EPHB1: variants seen among roughly 807,000 people sequenced by gnomAD.
The protein encoded by EPHB1 is ephrin type-B receptor 1.
EPHB1 carries 30 observed loss-of-function variants against 94.4 expected under a neutral mutation model. The ratio of observed to expected loss-of-function variants is 0.32; its 90% CI spans 0.24 to 0.43. EPHB1 has a LOEUF of 0.43. EPHB1 is among the 20% of genes least tolerant of loss of function. The pLI is 1.00. For synonymous variants in EPHB1, 522 were observed against 489.1 expected, an observed-to-expected ratio of 1.07 and a Z score of -0.89; for missense variants, 1,055 against 1,308.3, an observed-to-expected ratio of 0.81 and a Z score of 2.99.
chr3:135,052,890 A>AATAT (rs1553726756), intron 3 of EPHB1, among the ~76,000 whole-genome samples: 3,511 of 54,260 alleles, frequency 0.065, 246 homozygotes, highest in African/African-American at 0.13. Context: ...AAAAAAAAAA[A>AATAT]ATATATATAT....
chr3:134,893,219 A>G (rs1435219051), intron 1 of EPHB1, among the ~76,000 whole-genome samples: 1 of 152,198 alleles, frequency 6.6e-6, no homozygotes, highest in African/African-American at 2.4e-5. Context: ...ATGTAAGCCT[A>G]TAAAACCTTT....
At chr3:135,236,558 A>G (rs1416628751) in intron 12 of EPHB1, among the ~76,000 whole-genome samples, 1 of 152,180 alleles carries the variant, frequency 6.6e-6, no homozygotes, top group African/African-American at 2.4e-5. Context: ...ATCGTGTTGG[A>G]CTTTCACAAC....
intron 1 of EPHB1, among the ~76,000 whole-genome samples, chr3:134,874,586 C>T (rs887297736): frequency 6.6e-6 from 1 of 152,218 alleles, no homozygotes; most frequent in African/African-American, 2.4e-5. Flanking sequence ...TGCCATCCCC[C>T]AACCCCCTCA....
At chr3:135,043,313 C>G (rs1330036311) in intron 3 of EPHB1, among the ~76,000 whole-genome samples, 1 of 151,516 alleles carries the variant, frequency 6.6e-6, no homozygotes, top group Non-Finnish European at 1.5e-5. Flanking sequence ...TATCTGAGCC[C>G]CTAAATACAG....
Position 135,154,281 on chromosome 3 carries a change from G to A in EPHB1, c.1422+5G>A, listed in dbSNP as rs2107695179. On this transcript the variant is annotated splice_donor_5th_base_variant and intron_variant, in intron 6 of 15. Coordinates refer to ENST00000398015, the MANE Select transcript of EPHB1 (RefSeq NM_004441.5). ...GAGATCCGGTACTATGAGAAGGTGA[G>A]CCAGCTCTACCTGCAAGCTTGCAAG... 1 of 1,613,862 alleles carries A rather than the reference G, an allele frequency of 6.2e-7. No individual in the cohort carries two copies. The highest frequency in any genetic ancestry group is 1.1e-5 in the South Asian group (1 of 91,064).
At chr3:135,120,123 T>TA (rs969428445) in intron 4 of EPHB1, among the ~76,000 whole-genome samples, 9 of 152,222 alleles carry the variant, frequency 5.9e-5, no homozygotes, top group Admixed American at 4.6e-4. Flanking sequence ...AGATGAATCT[T>TA]ACAACCAGCT....
intron 3 of EPHB1, among the ~76,000 whole-genome samples, chr3:135,024,069 TC>T (rs1184417551): frequency 6.6e-6 from 1 of 152,288 alleles, no homozygotes; most frequent in South Asian, 2.1e-4. Flanking sequence ...AATCAGCTCT[TC>T]CAGACACCAC....
chr3:134,889,846 T>G (rs2037939657), intron 1 of EPHB1, among the ~76,000 whole-genome samples: 1 of 151,074 alleles, frequency 6.6e-6, no homozygotes, highest in South Asian at 2.1e-4. Flanking sequence ...CCCGGCTAAT[T>G]TTTTTGTATT....
In EPHB1 at chr3:134,965,014, C is replaced by T. The variant is rs1933675450; in HGVS notation, c.805+12962C>T. On this transcript the variant is annotated intron_variant, in intron 3 of 15. Transcript: ENST00000398015. ...TAGCAAATATTACAAGTGATTTTGT[C>T]ATCAAAATGATTAATAATCACACAT... Among the ~76,000 whole-genome samples the T allele has an allele frequency of 3.9e-5, 6 of 152,116 alleles. 1 individual carries two copies. In the South Asian group the frequency reaches 1.2e-3, roughly 32 times the overall value.
At chr3:134,912,387 C>G (rs2038472434) in intron 1 of EPHB1, among the ~76,000 whole-genome samples, 1 of 152,326 alleles carries the variant, frequency 6.6e-6, no homozygotes, top group Non-Finnish European at 1.5e-5. Flanking sequence ...GTCTTTGACT[C>G]TCACCACAAA....
intron 1 of EPHB1, among the ~76,000 whole-genome samples, chr3:134,879,234 A>G (rs147621214): frequency 7.0e-4 from 107 of 152,276 alleles, no homozygotes; most frequent in African/African-American, 2.5e-3. Context: ...AGCTCTTAGG[A>G]TTCTCTAAGG....
At chr3:134,907,430 C>A (rs1226534717) in intron 1 of EPHB1, among the ~76,000 whole-genome samples, 1 of 152,182 alleles carries the variant, frequency 6.6e-6, no homozygotes, top group Non-Finnish European at 1.5e-5. Context: ...AAAGAAAACA[C>A]AGCTCAGTTG....
chr3:135,238,058 T>C (rs1362127399), intron 12 of EPHB1, among the ~76,000 whole-genome samples: 1 of 152,254 alleles, frequency 6.6e-6, no homozygotes, highest in Non-Finnish European at 1.5e-5. Context: ...ATATTAATTA[T>C]GTCAATAATT....
chr3:135,053,267 ACACT>A (rs1937248516), intron 3 of EPHB1, among the ~76,000 whole-genome samples: 1 of 151,852 alleles, frequency 6.6e-6, no homozygotes, highest in Admixed American at 6.6e-5. Context: ...TGATCATCAC[ACACT>A]CTATGCATCT....
At chr3:134,856,752 G>A (rs563221053) in intron 1 of EPHB1, among the ~76,000 whole-genome samples, 1 of 152,326 alleles carries the variant, frequency 6.6e-6, no homozygotes, top group African/African-American at 2.4e-5. Flanking sequence ...TCTTTAAGTG[G>A]TAACACTTTG....
intron 13 of EPHB1, among the ~76,000 whole-genome samples, chr3:135,242,056 T>C (rs1293343318): frequency 6.6e-6 from 1 of 152,202 alleles, no homozygotes; most frequent in Non-Finnish European, 1.5e-5. Flanking sequence ...GCTCCATACT[T>C]ACTAAAAGGT....
intron 15 of EPHB1, among the ~76,000 whole-genome samples, chr3:135,256,628 C>A (rs1048916935): frequency 6.6e-6 from 1 of 152,134 alleles, no homozygotes; most frequent in African/African-American, 2.4e-5. Context: ...GTAACCCGAC[C>A]TTTCTCTCTG....
intron 1 of EPHB1, among the ~76,000 whole-genome samples, chr3:134,849,883 A>T (rs1560261854): frequency 1.3e-5 from 2 of 151,912 alleles, no homozygotes; most frequent in Non-Finnish European, 2.9e-5. Flanking sequence ...GGCTGGGGGG[A>T]TATGCCTCCT....
chr3:135,230,768 G>C, intron 12 of EPHB1, among the ~76,000 whole-genome samples: 1 of 152,000 alleles, frequency 6.6e-6, no homozygotes, highest in East Asian at 1.9e-4. Context: ...CCATATTTAT[G>C]TCTATGTGTG....
Sources: gnomAD v4.1 joint callset for allele counts (sites outside exome capture counted in the v4.1 genomes callset) on GRCh38, gnomAD v4.1.1 for gene constraint, MANE v1.5 for transcripts, NCBI Gene and HGNC (gene_info 2026-07-23, HGNC 2026-07-21) for gene names.